Variants in TMEM114 observed in about 807,000 individuals in gnomAD.
TMEM114 encodes transmembrane protein 114, also known as claudin-26.
TMEM114 carries 6 observed loss-of-function variants against 6.2 expected under a neutral mutation model. That is an observed-to-expected ratio of 0.97 (90% CI 0.53 to 1.91). TMEM114 has a LOEUF of 1.91. TMEM114 is among the 40% of genes most tolerant of loss of function. TMEM114 has a pLI of 0.01. For missense variants in TMEM114, 218 were observed against 158.3 expected (o/e 1.38, Z -2.02); for synonymous variants, 104 against 73.0 (o/e 1.42, Z -2.16).
chr16:8,557,559 T>C (rs746609496), intron 2 of TMEM114, among the ~76,000 whole-genome samples: 8 of 152,200 alleles, frequency 5.3e-5, no homozygotes, highest in Non-Finnish European at 1.0e-4. Context: ...GGGTCACTAG[T>C]TTTGGCCACT....
downstream of TMEM114, among the ~76,000 whole-genome samples, chr16:8,566,784 C>T (rs984748553): frequency 6.6e-6 from 1 of 152,112 alleles, no homozygotes; most frequent in African/African-American, 2.4e-5. Flanking sequence ...GTTTCCCTAC[C>T]TACAGGTTCT....
Position 8,569,996 on chromosome 16 carries a change from G to A in TMEM114, c.449C>T (p.Thr150Ile). Residue 150 changes from threonine (T) to isoleucine (I), a missense_variant, in exon 4 of 4, where the codon ACC becomes ATC. Thr to Ile is a moderately conservative substitution (Grantham distance 89). Coordinates refer to ENST00000620492, the MANE Select transcript of TMEM114 (RefSeq NM_001146336.2). ...GILFLFGAMV[T>I]LAGISVYIAY... is the part of the protein sequence containing the mutation. Reference sequence around the variant, plus strand: ...TATGTAGACGCTGATCCCAGCGAGGGTCACCATGGCTGCAGGGAGGGCAAA... The same window carrying A: ...TATGTAGACGCTGATCCCAGCGAGGATCACCATGGCTGCAGGGAGGGCAAA... 1.3e-6 allele frequency: 2 copies of A among 1,549,362 alleles called. No individual in the cohort carries two copies. The highest frequency in any genetic ancestry group is 1.7e-6 in the Non-Finnish European group (2 of 1,145,780).
intron 2 of TMEM114, among the ~76,000 whole-genome samples, chr16:8,548,705 C>T (rs4074768): frequency 0.4 from 55,561 of 139,232 alleles, 12,647 homozygotes; most frequent in African/African-American, 0.5. Context: ...TATATATATA[C>T]ACAGAAAAAA....
Position 8,569,632 on chromosome 16 carries a change from C to T in TMEM114, c.*141G>A, listed in dbSNP as rs1206469442. 4.2e-6 allele frequency: 6 copies of T among 1,437,650 alleles called. No homozygotes were observed. Among genetic ancestry groups the T allele is most frequent in the East Asian group, 5.0e-5 (2 of 40,028 alleles). 89.1% of individuals were successfully genotyped at this position (1,437,650 alleles called of 1,614,324 possible). ...ACAGCCAGGCCCCAAGCTTAGTCCGCGGGGATTTGTGGGGGAAGGAGGGGG... is the reference window on the plus strand; with the variant it reads ...ACAGCCAGGCCCCAAGCTTAGTCCGTGGGGATTTGTGGGGGAAGGAGGGGG... On this transcript the variant is annotated 3_prime_UTR_variant, in exon 4 of 4. Transcript: ENST00000620492.
At chr16:8,584,020 A>G (rs948723319) in intron 2 of TMEM114, among the ~76,000 whole-genome samples, 3 of 152,222 alleles carry the variant, frequency 2.0e-5, no homozygotes, top group Non-Finnish European at 2.9e-5. Flanking sequence ...ATGTCACCCA[A>G]TGTGGTCCAG....
chr16:8,581,626 G>C (rs577586352), intron 2 of TMEM114, among the ~76,000 whole-genome samples: 95 of 152,302 alleles, frequency 6.2e-4, no homozygotes, highest in Middle Eastern at 3.4e-3. Flanking sequence ...GCTAATTTTT[G>C]TATTTTTAGT....
At chr16:8,572,464 C>G (rs887376967) in intron 2 of TMEM114, among the ~76,000 whole-genome samples, 2 of 152,138 alleles carry the variant, frequency 1.3e-5, no homozygotes, top group East Asian at 1.9e-4. Context: ...GAGACAGGGT[C>G]TTGCTCTGTC....
chr16:8,568,040 G>C (rs1901603527), downstream of TMEM114, among the ~76,000 whole-genome samples: 1 of 152,202 alleles, frequency 6.6e-6, no homozygotes, highest in African/African-American at 2.4e-5. Context: ...GTTGGTGGAA[G>C]TAGGGGGAGG....
chr16:8,556,233 C>T (rs567307026), intron 2 of TMEM114, among the ~76,000 whole-genome samples: 12 of 152,298 alleles, frequency 7.9e-5, no homozygotes, highest in East Asian at 5.8e-4. Flanking sequence ...AGCCCCTCTG[C>T]CGGCCTTTGT....
intron 2 of TMEM114, among the ~76,000 whole-genome samples, chr16:8,545,337 G>A (rs1250298092): frequency 2.0e-5 from 3 of 152,182 alleles, no homozygotes; most frequent in Admixed American, 6.5e-5. Context: ...TCAGGAGGCT[G>A]AGGCAGGAGG....
intron 2 of TMEM114, among the ~76,000 whole-genome samples, chr16:8,554,347 G>C (rs990163696): frequency 1.3e-5 from 2 of 151,976 alleles, no homozygotes; most frequent in Admixed American, 1.3e-4. Context: ...CTTGAGACCA[G>C]GAGTTCAAGA....
intron 2 of TMEM114, among the ~76,000 whole-genome samples, chr16:8,554,265 A>AT (rs928881571): frequency 2.0e-5 from 3 of 151,380 alleles, no homozygotes; most frequent in East Asian, 1.9e-4. Context: ...CAGGGAAAAA[A>AT]AGGGGTAGGG....
intron 1 of TMEM114, 128 bp from the exon 2 acceptor site, chr16:8,589,421 G>A (rs1313697125): frequency 2.5e-6 from 1 of 398,148 alleles, no homozygotes; most frequent in African/African-American, 2.1e-5. Context: ...AGCTAGAGCA[G>A]TTGGGATCGC....
At chr16:8,546,785 C>T (rs1900680792) in intron 2 of TMEM114, among the ~76,000 whole-genome samples, 1 of 152,234 alleles carries the variant, frequency 6.6e-6, no homozygotes, top group South Asian at 2.1e-4. Flanking sequence ...ACCAAGTCTT[C>T]TTTTTCTTCT....
At chr16:8,566,405 A>G, downstream of TMEM114, among the ~76,000 whole-genome samples, 1 of 152,002 alleles carries the variant, frequency 6.6e-6, no homozygotes, top group Non-Finnish European at 1.5e-5. Flanking sequence ...ATAGAACAGA[A>G]CAGGTCAGAA....
intron 2 of TMEM114, among the ~76,000 whole-genome samples, chr16:8,563,483 A>T (rs1047434809): frequency 7.2e-6 from 1 of 139,518 alleles, no homozygotes. Context: ...ATGAGTGAGT[A>T]AGTGAATGAG....
Position 8,569,660 on chromosome 16 carries a change from GCCTGGCCTCCCCGAGTGGC to G in TMEM114, c.*94_*112del. 1 of 1,443,254 alleles carries G rather than the reference GCCTGGCCTCCCCGAGTGGC, an allele frequency of 6.9e-7. No homozygotes were observed. The highest frequency in any genetic ancestry group is 9.1e-7 in the Non-Finnish European group (1 of 1,102,122). 89.4% of individuals were successfully genotyped at this position (1,443,254 alleles called of 1,614,324 possible). On this transcript the variant is annotated 3_prime_UTR_variant, in exon 4 of 4. Transcript: ENST00000620492. ...GGATTTGTGGGGGAAGGAGGGGGGT[GCCTGGCCTCCCCGAGTGGC>G]CTTTGAGGAAGAAGAGGCCGCAGCC...
At chr16:8,550,136 T>G (rs1900795970) in intron 2 of TMEM114, among the ~76,000 whole-genome samples, 1 of 152,226 alleles carries the variant, frequency 6.6e-6, no homozygotes, top group Non-Finnish European at 1.5e-5. Context: ...GCAAGTCAGC[T>G]TCTTCCACCA....
At chr16:8,588,202 G>A (rs1258198724) in intron 2 of TMEM114, among the ~76,000 whole-genome samples, 4 of 151,156 alleles carry the variant, frequency 2.6e-5, no homozygotes, top group Non-Finnish European at 4.4e-5. Flanking sequence ...CAGGAGAATC[G>A]CTTGAACCTG....
Sources: gnomAD v4.1 joint callset for allele counts (sites outside exome capture counted in the v4.1 genomes callset) on GRCh38, gnomAD v4.1.1 for gene constraint, MANE v1.5 for transcripts, NCBI Gene and HGNC (gene_info 2026-07-23, HGNC 2026-07-21) for gene names.